TNIP3: variants seen among roughly 807,000 people sequenced by gnomAD.
The protein encoded by TNIP3 is TNFAIP3-interacting protein 3.
In TNIP3, 34 loss-of-function variants were observed where a neutral mutation model predicts 54.1. The ratio of observed to expected loss-of-function variants is 0.63; its 90% CI spans 0.48 to 0.84. The LOEUF (loss-of-function observed/expected upper bound fraction) is 0.84. Among genes scored for constraint, TNIP3 ranks in the 40% least tolerant of loss-of-function variants. TNIP3 has a pLI of 0.00. For synonymous variants in TNIP3, 134 were observed against 136.8 expected (o/e 0.98, Z 0.14); for missense variants, 366 against 387.6 (o/e 0.94, Z 0.47).
intron 2 of TNIP3, among the ~76,000 whole-genome samples, chr4:121,211,463 G>A (rs1026398945): frequency 6.6e-5 from 10 of 152,122 alleles, no homozygotes; most frequent in East Asian, 1.9e-4. Flanking sequence ...TTCAATTTAC[G>A]TGAAGGAATA....
At chr4:121,138,132 G>A (rs931135573) in intron 10 of TNIP3, 12 of 371,546 alleles carry the variant, frequency 3.2e-5, no homozygotes, top group African/African-American at 6.3e-5. Context: ...TGAGGTGGGC[G>A]TTGTGGGCAA....
chr4:121,186,959 C>T (rs1725053666), intron 2 of TNIP3, among the ~76,000 whole-genome samples: 1 of 152,146 alleles, frequency 6.6e-6, no homozygotes, highest in African/African-American at 2.4e-5. Context: ...TTTACATTCT[C>T]TTTTGAATTA....
chr4:121,210,366 A>G (rs1415259003), intron 2 of TNIP3, among the ~76,000 whole-genome samples: 1 of 152,226 alleles, frequency 6.6e-6, no homozygotes, highest in Non-Finnish European at 1.5e-5. Context: ...TGGTCCCCTA[A>G]GGGAATATCT....
chr4:121,227,364 A>G, intron 1 of TNIP3: 1 of 1,534,826 alleles, frequency 6.5e-7, no homozygotes, highest in Non-Finnish European at 8.7e-7. Flanking sequence ...AAGTAAAGGC[A>G]CAAGACATTA....
At chr4:121,153,041 T>G (rs142433168) in intron 5 of TNIP3, among the ~76,000 whole-genome samples, 305 of 152,338 alleles carry the variant, frequency 2.0e-3, no homozygotes, top group African/African-American at 6.8e-3. Flanking sequence ...TAGTATAGTA[T>G]GTAATTTTAA....
chr4:121,216,339 A>T, intron 2 of TNIP3: 1 of 1,259,174 alleles, frequency 7.9e-7, no homozygotes, highest in Non-Finnish European at 1.1e-6. Context: ...ATACACTATC[A>T]TTGCCACAAA....
At chr4:121,190,075 G>A (rs1725223040) in intron 2 of TNIP3, among the ~76,000 whole-genome samples, 1 of 152,274 alleles carries the variant, frequency 6.6e-6, no homozygotes, top group African/African-American at 2.4e-5. Context: ...CCTCCTACAG[G>A]CATCCTGCTG....
chr4:121,171,107 T>C (rs908120888), intron 3 of TNIP3, among the ~76,000 whole-genome samples: 1 of 152,192 alleles, frequency 6.6e-6, no homozygotes, highest in Non-Finnish European at 1.5e-5. Context: ...TGAGCCACCA[T>C]GCCTTGCCAG....
At chr4:121,203,923 A>G (rs970186651) in intron 2 of TNIP3, among the ~76,000 whole-genome samples, 2 of 148,878 alleles carry the variant, frequency 1.3e-5, no homozygotes, top group Non-Finnish European at 3.0e-5. Flanking sequence ...ATATATACTA[A>G]TACACAAAAT....
At chr4:121,182,375 A>T (rs1369766318) in intron 3 of TNIP3, among the ~76,000 whole-genome samples, 3 of 152,214 alleles carry the variant, frequency 2.0e-5, no homozygotes, top group Non-Finnish European at 4.4e-5. Flanking sequence ...TTCCCAGGAA[A>T]GAGTTGTCCC....
upstream of TNIP3, among the ~76,000 whole-genome samples, chr4:121,164,869 C>T (rs1360157146): frequency 7.9e-5 from 12 of 152,038 alleles, no homozygotes; most frequent in Admixed American, 4.6e-4. Flanking sequence ...GTCTCCATGA[C>T]TCATTTGAAG....
intron 2 of TNIP3, among the ~76,000 whole-genome samples, chr4:121,213,564 A>G (rs1470798041): frequency 2.6e-5 from 4 of 151,894 alleles, no homozygotes; most frequent in Admixed American, 2.6e-4. Context: ...ATCTCTACTA[A>G]AAATACAAAA....
chr4:121,168,243 G>A (rs187299326), upstream of TNIP3, among the ~76,000 whole-genome samples: 1 of 151,962 alleles, frequency 6.6e-6, no homozygotes, highest in African/African-American at 2.4e-5. Context: ...GTCTCGCTCT[G>A]TCACCCAGGC....
chr4:121,156,601 C>T (rs562213325), intron 4 of TNIP3, among the ~76,000 whole-genome samples: 3 of 152,044 alleles, frequency 2.0e-5, no homozygotes, highest in African/African-American at 7.2e-5. Flanking sequence ...ATAATGAGGA[C>T]GAAGGCTTTA....
At chr4:121,211,319 G>T (rs937897601) in intron 2 of TNIP3, among the ~76,000 whole-genome samples, 25 of 152,106 alleles carry the variant, frequency 1.6e-4, no homozygotes, top group African/African-American at 5.1e-4. Flanking sequence ...GGAATAAAAA[G>T]GTATTCAAAA....
At chr4:121,170,197 C>T (rs1730991532) in intron 3 of TNIP3, among the ~76,000 whole-genome samples, 1 of 152,184 alleles carries the variant, frequency 6.6e-6, no homozygotes, top group South Asian at 2.1e-4. Context: ...GTACCTTTCT[C>T]CTCTGAGATG....
intron 3 of TNIP3, among the ~76,000 whole-genome samples, chr4:121,179,714 G>A (rs1724566455): frequency 6.6e-6 from 1 of 152,026 alleles, no homozygotes; most frequent in Non-Finnish European, 1.5e-5. Context: ...CCACCTGAGT[G>A]GTGCAGCATG....
intron 3 of TNIP3, among the ~76,000 whole-genome samples, chr4:121,180,205 C>A (rs1056877824): frequency 6.6e-6 from 1 of 151,978 alleles, no homozygotes; most frequent in African/African-American, 2.4e-5. Context: ...TCGAGACCAT[C>A]CTGGCTAACA....
chr4:121,146,281 T>C (rs1370325350), intron 7 of TNIP3, among the ~76,000 whole-genome samples: 1 of 152,174 alleles, frequency 6.6e-6, no homozygotes, highest in Non-Finnish European at 1.5e-5. Context: ...ATGATGACTG[T>C]TTTAAATTTT....
Sources: gnomAD v4.1 joint callset for allele counts (sites outside exome capture counted in the v4.1 genomes callset) on GRCh38, gnomAD v4.1.1 for gene constraint, MANE v1.5 for transcripts, NCBI Gene and HGNC (gene_info 2026-07-23, HGNC 2026-07-21) for gene names.